Variants in PTPRO observed in about 807,000 individuals in gnomAD.
PTPRO encodes receptor-type tyrosine-protein phosphatase O.
A neutral mutation model predicts 145.2 loss-of-function variants in PTPRO; 62 were observed. The ratio of observed to expected loss-of-function variants is 0.43; its 90% CI spans 0.35 to 0.53. The LOEUF (loss-of-function observed/expected upper bound fraction) is 0.53. PTPRO is among the 20% of genes least tolerant of loss of function. The pLI is 0.01. For synonymous variants in PTPRO, 565 were observed against 514.7 expected, an observed-to-expected ratio of 1.10 and a Z score of -1.32; for missense variants, 1,345 against 1,482.7, an observed-to-expected ratio of 0.91 and a Z score of 1.53.
chr12:15,549,166 G>T lies in PTPRO; in HGVS notation c.2377G>T (p.Val793Phe). Reference sequence around the variant, plus strand: ...TCCTGCCACTGCCTACAATTGTAGTGTCACCAGCTTTAGCCATGACAGCCC... The same window carrying T: ...TCCTGCCACTGCCTACAATTGTAGTTTCACCAGCTTTAGCCATGACAGCCC... ...LLPATAYNCSVTSFSHDSPSV... is the reference protein window; with the variant it reads ...LLPATAYNCSFTSFSHDSPSV... Residue 793 changes from valine to phenylalanine, a missense_variant, in exon 14 of 27, where the codon GTC becomes TTC. Val to Phe is a conservative substitution (Grantham distance 50, BLOSUM62 -1). Coordinates refer to ENST00000281171, the MANE Select transcript of PTPRO (RefSeq NM_030667.3). The T allele has an allele frequency of 6.2e-7, 1 of 1,611,810 alleles. No homozygotes were observed. Among genetic ancestry groups the T allele is most frequent in the Non-Finnish European group, 8.5e-7 (1 of 1,179,572 alleles).
chr12:15,373,393 C>T (rs1361692204), intron 1 of PTPRO, among the ~76,000 whole-genome samples: 1 of 152,162 alleles, frequency 6.6e-6, no homozygotes, highest in Non-Finnish European at 1.5e-5. Context: ...GAGTTTCATA[C>T]TGAAAGATTT....
chr12:15,503,103 A>AT (rs910872702), intron 5 of PTPRO, among the ~76,000 whole-genome samples: 1 of 151,842 alleles, frequency 6.6e-6, no homozygotes, highest in Non-Finnish European at 1.5e-5. Flanking sequence ...GGAATTTCCT[A>AT]TTTTTTTTAA....
At chr12:15,583,111 A>G (rs1234878464) in intron 23 of PTPRO, among the ~76,000 whole-genome samples, 1 of 152,234 alleles carries the variant, frequency 6.6e-6, no homozygotes, top group African/African-American at 2.4e-5. Context: ...AGCAAACTGT[A>G]GCCTGTGGAC....
At chr12:15,349,290 A>G (rs1179819687) in intron 1 of PTPRO, among the ~76,000 whole-genome samples, 1 of 152,220 alleles carries the variant, frequency 6.6e-6, no homozygotes, top group Non-Finnish European at 1.5e-5. Flanking sequence ...ATTTAGTACC[A>G]TGTTAAGCTA....
intron 1 of PTPRO, among the ~76,000 whole-genome samples, chr12:15,481,039 A>C (rs1303155084): frequency 6.6e-6 from 1 of 152,222 alleles, no homozygotes; most frequent in African/African-American, 2.4e-5. Flanking sequence ...CAAAAGAAAG[A>C]AAAGAGTAAT....
At chr12:15,374,562 A>T (rs1236831503) in intron 1 of PTPRO, among the ~76,000 whole-genome samples, 1 of 152,182 alleles carries the variant, frequency 6.6e-6, no homozygotes, top group Non-Finnish European at 1.5e-5. Flanking sequence ...GAACTCCTCA[A>T]ATAGTAGCAT....
At chr12:15,425,958 G>T (rs1253044944) in intron 1 of PTPRO, among the ~76,000 whole-genome samples, 1 of 151,780 alleles carries the variant, frequency 6.6e-6, no homozygotes, top group Non-Finnish European at 1.5e-5. Flanking sequence ...GTTTGTTTTG[G>T]TGGAGTAGAT....
At chr12:15,335,296 T>C (rs1297841362) in intron 1 of PTPRO, among the ~76,000 whole-genome samples, 1 of 152,024 alleles carries the variant, frequency 6.6e-6, no homozygotes, top group African/African-American at 2.4e-5. Context: ...ATTAATAAGA[T>C]AAATAGTAAA....
chr12:15,407,193 A>C (rs1939671122), intron 1 of PTPRO, among the ~76,000 whole-genome samples: 1 of 152,200 alleles, frequency 6.6e-6, no homozygotes, highest in African/African-American at 2.4e-5. Flanking sequence ...TGGCAAAATT[A>C]TATTCTGACC....
chr12:15,355,581 T>C (rs535048650), intron 1 of PTPRO, among the ~76,000 whole-genome samples: 49 of 152,338 alleles, frequency 3.2e-4, no homozygotes, highest in African/African-American at 1.1e-3. Flanking sequence ...TCTAATCTAT[T>C]GCAGAGGTGA....
At position 15,537,193 on chromosome 12, in the gene PTPRO, G is replaced by A. The variant is rs151069055; in HGVS notation, c.2165-9376G>A. The stretch of plus-strand genomic sequence containing the variant: ...CCTATGAAACCATTAAATAAATACT[G>A]AGCAGGCAGTTAGATAAAGGAGCTT... On this transcript the variant is annotated intron_variant, in intron 12 of 26. Transcript: ENST00000281171. Among the ~76,000 whole-genome samples, 929 of 152,256 alleles carry A rather than the reference G, an allele frequency of 6.1e-3. 9 individuals are homozygous for A. Among genetic ancestry groups the A allele is most frequent in the African/African-American group, 0.021 (879 of 41,548 alleles).
At chr12:15,573,426 A>T (rs905830422) in intron 19 of PTPRO, among the ~76,000 whole-genome samples, 3 of 152,222 alleles carry the variant, frequency 2.0e-5, no homozygotes, top group African/African-American at 4.8e-5. Flanking sequence ...GCAACTGGAC[A>T]CTATAGCCTA....
At chr12:15,325,064 C>T (rs555532582) in intron 1 of PTPRO, among the ~76,000 whole-genome samples, 5 of 152,262 alleles carry the variant, frequency 3.3e-5, no homozygotes, top group African/African-American at 7.2e-5. Flanking sequence ...AAATGTTCCA[C>T]GTGTGCCGAG....
intron 1 of PTPRO, among the ~76,000 whole-genome samples, chr12:15,459,087 C>A (rs1173791162): frequency 1.3e-5 from 2 of 152,152 alleles, no homozygotes; most frequent in African/African-American, 4.8e-5. Context: ...CTAGAATATG[C>A]TGGGACTCAT....
At chr12:15,417,150 A>G (rs1286996320) in intron 1 of PTPRO, among the ~76,000 whole-genome samples, 1 of 151,668 alleles carries the variant, frequency 6.6e-6, no homozygotes, top group Non-Finnish European at 1.5e-5. Context: ...TGCCCGGCAC[A>G]TGGTTAAAAA....
At chr12:15,352,300 A>G (rs938486153) in intron 1 of PTPRO, among the ~76,000 whole-genome samples, 1 of 152,166 alleles carries the variant, frequency 6.6e-6, no homozygotes, top group African/African-American at 2.4e-5. Flanking sequence ...GGAAGGCACT[A>G]TTTTCAAATA....
intron 1 of PTPRO, among the ~76,000 whole-genome samples, chr12:15,412,128 T>C (rs140572690): frequency 6.6e-6 from 1 of 152,242 alleles, no homozygotes; most frequent in African/African-American, 2.4e-5. Flanking sequence ...TATGAATCTT[T>C]AATCTGGAAA....
intron 7 of PTPRO, 23 bp downstream of exon 7, chr12:15,508,790 G>A: frequency 6.2e-7 from 1 of 1,609,324 alleles, no homozygotes; most frequent in Non-Finnish European, 8.5e-7. Context: ...AAATGAGAAT[G>A]GGCTCGCCGG....
At chr12:15,504,310 A>G (rs1389469243) in intron 6 of PTPRO, among the ~76,000 whole-genome samples, 1 of 152,122 alleles carries the variant, frequency 6.6e-6, no homozygotes, top group East Asian at 1.9e-4. Flanking sequence ...GTGATAATTG[A>G]ACATTTATTA....
Sources: allele counts gnomAD v4.1 joint callset (sites outside exome capture counted in the v4.1 genomes callset), GRCh38; gene constraint gnomAD v4.1.1; transcripts MANE v1.5; gene names NCBI Gene and HGNC (gene_info 2026-07-23, HGNC 2026-07-21).